The following ZNF536 variants were observed in gnomAD, a reference collection of about 807,000 sequenced individuals.
The protein encoded by ZNF536 is zinc finger protein 536.
ZNF536 carries 13 observed loss-of-function variants against 84.5 expected under a neutral mutation model. The observed-to-expected ratio is 0.15, with a 90% CI of 0.10 to 0.24. The LOEUF (loss-of-function observed/expected upper bound fraction) is 0.24, where lower values mean the gene tolerates loss of function less well. ZNF536 is among the 10% of genes least tolerant of loss of function. ZNF536 has a pLI of 1.00. For missense variants in ZNF536, 1,536 were observed against 1,747.5 expected, an observed-to-expected ratio of 0.88 and a Z score of 2.16; for synonymous variants, 811 against 742.5, an observed-to-expected ratio of 1.09 and a Z score of -1.50.
At chr19:30,359,512 G>T (rs1600379086) in intron 3 of ZNF536, among the ~76,000 whole-genome samples, 1 of 152,186 alleles carries the variant, frequency 6.6e-6, no homozygotes, top group African/African-American at 2.4e-5. Flanking sequence ...GGGCAGCAAT[G>T]CAGAAGTCCC....
intron 1 of ZNF536, among the ~76,000 whole-genome samples, chr19:30,604,105 T>C (rs1480634159): frequency 1.3e-5 from 2 of 151,830 alleles, no homozygotes; most frequent in South Asian, 2.1e-4. Flanking sequence ...AAAAAAAAAG[T>C]GTGCACAGGG....
At chr19:30,304,777 C>T (rs1000823147) in intron 2 of ZNF536, among the ~76,000 whole-genome samples, 3 of 152,188 alleles carry the variant, frequency 2.0e-5, no homozygotes, top group Admixed American at 6.5e-5. Flanking sequence ...AACTGCCCCA[C>T]GTGGACCACT....
At chr19:30,439,459 C>T (rs917668206) in intron 1 of ZNF536, among the ~76,000 whole-genome samples, 1 of 152,168 alleles carries the variant, frequency 6.6e-6, no homozygotes, top group African/African-American at 2.4e-5. Flanking sequence ...GGGCCTGGGG[C>T]CAGCTTGTCC....
intron 1 of ZNF536, among the ~76,000 whole-genome samples, chr19:30,406,810 C>T (rs1006988412): frequency 6.6e-6 from 1 of 152,180 alleles, no homozygotes; most frequent in Non-Finnish European, 1.5e-5. Flanking sequence ...AACTTGTTGG[C>T]ATTTCCCTGG....
intron 2 of ZNF536, among the ~76,000 whole-genome samples, chr19:30,476,966 T>TA: frequency 6.6e-6 from 1 of 152,226 alleles, no homozygotes; most frequent in African/African-American, 2.4e-5. Flanking sequence ...GGTTTTTTTT[T>TA]TTAATAGAGA....
At chr19:30,229,287 A>G (rs1402122402) in intron 1 of ZNF536, among the ~76,000 whole-genome samples, 1 of 152,166 alleles carries the variant, frequency 6.6e-6, no homozygotes, top group Non-Finnish European at 1.5e-5. Context: ...AGACAGGGTC[A>G]CCGAGAGATT....
chr19:30,500,000 A>G (rs1357062168), intron 2 of ZNF536, among the ~76,000 whole-genome samples: 2 of 152,216 alleles, frequency 1.3e-5, no homozygotes, highest in Non-Finnish European at 1.5e-5. Flanking sequence ...TCCAAAGCCA[A>G]GATAGCATTC....
At chr19:30,700,238 T>TCTC (rs2051871669) in intron 1 of ZNF536, among the ~76,000 whole-genome samples, 1 of 97,916 alleles carries the variant, frequency 1.0e-5, no homozygotes, top group African/African-American at 4.0e-5. Flanking sequence ...CTTTCTTTCT[T>TCTC]TCTCTCTCTC....
intron 1 of ZNF536, among the ~76,000 whole-genome samples, chr19:30,696,459 C>A (rs567283894): frequency 2.0e-5 from 3 of 152,312 alleles, no homozygotes; most frequent in South Asian, 2.1e-4. Flanking sequence ...TTCATTGACC[C>A]TTTGAAGGTT....
rs2046762129 is a variant in ZNF536, at chr19:30,318,713, T to G, written c.-119-33655T>G. Among the ~76,000 whole-genome samples the G allele has an allele frequency of 2.0e-5, 3 of 152,338 alleles. No homozygotes were observed. The South Asian group carries it at 6.2e-4, about 32-fold the overall frequency. On this transcript the variant is annotated intron_variant, in intron 2 of 5. Coordinates refer to the ZNF536 transcript ENST00000585628. ...CATGGCGCACATGTGTGCGCTTGCA[T>G]GTATATGTCTCTCTTCTCTTAGGGT...
At chr19:30,467,824 G>C (rs953758287) in intron 2 of ZNF536, among the ~76,000 whole-genome samples, 1 of 152,240 alleles carries the variant, frequency 6.6e-6, no homozygotes, top group Non-Finnish European at 1.5e-5. Flanking sequence ...GGTAGCTACT[G>C]TGTACCCTGA....
At chr19:30,699,622 T>C (rs187926161) in intron 1 of ZNF536, among the ~76,000 whole-genome samples, 1 of 152,300 alleles carries the variant, frequency 6.6e-6, no homozygotes, top group African/African-American at 2.4e-5. Flanking sequence ...TTTTAAACTA[T>C]ATGTGCAACT....
At chr19:30,569,299 GAA>G (rs756599326) in intron 1 of ZNF536, among the ~76,000 whole-genome samples, 24 of 152,216 alleles carry the variant, frequency 1.6e-4, no homozygotes, top group Non-Finnish European at 2.9e-4. Context: ...CTAGCTAGAG[GAA>G]AGTCTGGGCT....
At chr19:30,325,404 G>A (rs1434495063) in intron 2 of ZNF536, among the ~76,000 whole-genome samples, 2 of 152,218 alleles carry the variant, frequency 1.3e-5, no homozygotes, top group African/African-American at 4.8e-5. Context: ...CCATCATCAA[G>A]CTGCTCCCTT....
At chr19:30,259,703 A>G (rs1187659917) in intron 1 of ZNF536, among the ~76,000 whole-genome samples, 2 of 152,136 alleles carry the variant, frequency 1.3e-5, no homozygotes, top group East Asian at 1.9e-4. Context: ...CCCAGTCAGT[A>G]AGCACGGTTG....
At chr19:30,466,718 A>G in intron 2 of ZNF536, among the ~76,000 whole-genome samples, 1 of 146,288 alleles carries the variant, frequency 6.8e-6, no homozygotes, top group Non-Finnish European at 1.5e-5. Context: ...GGTAGGAAGG[A>G]AGGAAGGAAG....
chr19:30,620,472 T>G (rs2048444332), intron 1 of ZNF536, among the ~76,000 whole-genome samples: 1 of 152,118 alleles, frequency 6.6e-6, no homozygotes. Flanking sequence ...GGTGGTGACA[T>G]TCACCCAGAT....
intron 1 of ZNF536, among the ~76,000 whole-genome samples, chr19:30,235,411 A>G (rs923869450): frequency 1.3e-5 from 2 of 152,244 alleles, no homozygotes; most frequent in African/African-American, 4.8e-5. Flanking sequence ...AAAGTTAAAA[A>G]TGTCAACCGG....
intron 2 of ZNF536, among the ~76,000 whole-genome samples, chr19:30,529,650 A>C (rs2044727045): frequency 6.6e-6 from 1 of 152,192 alleles, no homozygotes; most frequent in Non-Finnish European, 1.5e-5. Flanking sequence ...GAGAAGACAA[A>C]ATTAGGAAGG....
Sources: gnomAD v4.1 joint callset for allele counts (sites outside exome capture counted in the v4.1 genomes callset) on GRCh38, gnomAD v4.1.1 for gene constraint, MANE v1.5 for transcripts, NCBI Gene and HGNC (gene_info 2026-07-23, HGNC 2026-07-21) for gene names.